Variants in CACNA1C observed in about 807,000 individuals in gnomAD.
CACNA1C encodes voltage-dependent L-type calcium channel subunit alpha-1C.
Under a neutral mutation model 229.0 loss-of-function variants are expected in CACNA1C, and 30 were observed. The ratio of observed to expected loss-of-function variants is 0.13; its 90% CI spans 0.10 to 0.18. CACNA1C has a LOEUF of 0.18. Among genes scored for constraint, CACNA1C ranks in the 10% least tolerant of loss-of-function variants. The probability of loss-of-function intolerance (pLI) is 1.00; values close to 1 mark genes in which losing one functional copy is unlikely to be tolerated. For missense variants in CACNA1C, 1,658 were observed against 2,845.0 expected (o/e 0.58, Z 9.49); for synonymous variants, 1,114 against 1,132.5 (o/e 0.98, Z 0.33).
In CACNA1C at chr12:2,484,590, T is replaced by C. The variant is rs2099690126; in HGVS notation, c.758-1514T>C. ...TCCCTTTATGTCCCACACCCACCGT[T>C]CTCTTGCCATTGGAGGCGGTGGCAC... is the stretch of plus-strand genomic sequence containing the variant. On this transcript the variant is annotated intron_variant, in intron 5 of 46. Transcript: ENST00000399655. Among the ~76,000 whole-genome samples the C allele has an allele frequency of 2.0e-5, 3 of 152,070 alleles. No homozygotes were observed. The South Asian group carries it at 6.2e-4, about 32-fold the overall frequency.
intron 3 of CACNA1C, among the ~76,000 whole-genome samples, chr12:2,140,076 G>A (rs1256057645): frequency 6.6e-6 from 1 of 151,328 alleles, no homozygotes. Flanking sequence ...ACTAGGCTAG[G>A]AGCTTTGGAG....
chr12:2,059,643 G>C (rs753426100), intron 1 of CACNA1C, among the ~76,000 whole-genome samples: 5 of 152,088 alleles, frequency 3.3e-5, no homozygotes, highest in Non-Finnish European at 7.4e-5. Context: ...TTCGTTAAAG[G>C]GTTTGTCAAA....
intron 3 of CACNA1C, among the ~76,000 whole-genome samples, chr12:2,165,076 A>G: frequency 6.6e-6 from 1 of 152,250 alleles, no homozygotes. Context: ...CTAATTGTGC[A>G]CATGATAGCA....
At chr12:2,073,363 T>C (rs188194826) in intron 1 of CACNA1C, among the ~76,000 whole-genome samples, 1 of 152,350 alleles carries the variant, frequency 6.6e-6, no homozygotes, top group Admixed American at 6.5e-5. Flanking sequence ...ACATTCTCAC[T>C]TCACCCTCAG....
chr12:2,553,566 G>A (rs1441581817), intron 10 of CACNA1C, among the ~76,000 whole-genome samples: 2 of 152,232 alleles, frequency 1.3e-5, no homozygotes, highest in Non-Finnish European at 2.9e-5. Flanking sequence ...GGTGGAGACT[G>A]ATATCATAAA....
At chr12:2,536,218 A>G (rs2099854812) in intron 9 of CACNA1C, among the ~76,000 whole-genome samples, 1 of 152,236 alleles carries the variant, frequency 6.6e-6, no homozygotes, top group Non-Finnish European at 1.5e-5. Context: ...GGGGCCCCAG[A>G]GAAGAGAGAA....
At chr12:2,221,494 G>A in intron 3 of CACNA1C, 1 of 152,222 alleles carries the variant, frequency 6.6e-6, no homozygotes, top group African/African-American at 2.4e-5. Flanking sequence ...GGGCAAGGAG[G>A]CCTCAAAGGA....
At chr12:2,326,077 G>A (rs1341632527) in intron 3 of CACNA1C, among the ~76,000 whole-genome samples, 1 of 152,186 alleles carries the variant, frequency 6.6e-6, no homozygotes, top group Non-Finnish European at 1.5e-5. Context: ...CCACATTTCA[G>A]GGGGAGCGTT....
intron 1 of CACNA1C, among the ~76,000 whole-genome samples, chr12:2,106,851 C>T (rs368323534): frequency 0.01 from 487 of 47,158 alleles, 15 homozygotes; most frequent in African/African-American, 0.028. Context: ...AGCCACTGGG[C>T]GCCCACCCTG....
chr12:2,497,846 A>T (rs928428110), intron 7 of CACNA1C, among the ~76,000 whole-genome samples: 1 of 152,192 alleles, frequency 6.6e-6, no homozygotes, highest in African/African-American at 2.4e-5. Context: ...GGTTCAGCCA[A>T]CAGGAGACTC....
At chr12:2,148,094 G>C (rs1838651589) in intron 3 of CACNA1C, among the ~76,000 whole-genome samples, 1 of 151,194 alleles carries the variant, frequency 6.6e-6, no homozygotes, top group Non-Finnish European at 1.5e-5. Context: ...GCATTATAAA[G>C]TCATAAGGAA....
intron 9 of CACNA1C, among the ~76,000 whole-genome samples, chr12:2,541,634 G>A (rs979648772): frequency 2.6e-5 from 4 of 152,176 alleles, no homozygotes; most frequent in South Asian, 2.1e-4. Flanking sequence ...TCTTCCTCCC[G>A]GAGGAGGCAT....
At position 2,665,990 on chromosome 12, in the gene CACNA1C, G is replaced by C. The variant is rs980023118; in HGVS notation, c.4526+282G>C. ...GAATCACTCGAGGCCAGGAGTTCAA[G>C]ACCAGCCTGGCCAACACAGTGAACC... On this transcript the variant is annotated intron_variant, in intron 36 of 46. Coordinates refer to ENST00000399655, the MANE Select transcript of CACNA1C (RefSeq NM_000719.7). The surrounding 1 kb of genome is among the most constrained non-coding windows in gnomAD (Gnocchi z 5.9). 6.6e-6 allele frequency among the ~76,000 whole-genome samples: 1 copy of C among 152,150 alleles called. No individual in the cohort carries two copies. Among genetic ancestry groups the C allele is most frequent in the Non-Finnish European group, 1.5e-5 (1 of 68,024 alleles).
At chr12:2,554,415 G>T (rs1364232604) in intron 10 of CACNA1C, among the ~76,000 whole-genome samples, 3 of 152,184 alleles carry the variant, frequency 2.0e-5, no homozygotes, top group Admixed American at 2.0e-4. Context: ...GGTAGGAATT[G>T]TGCCTCATTG....
chr12:2,448,991 C>T lies in CACNA1C; in HGVS notation c.493C>T (p.Leu165Phe). 6.2e-7 allele frequency: 1 copy of T among 1,609,028 alleles called. No individual in the cohort carries two copies. Among genetic ancestry groups the T allele is most frequent in the Non-Finnish European group, 8.5e-7 (1 of 1,176,044 alleles). Reference sequence around the variant, plus strand: ...TGTTTCCTAGGAACGAGTGGAATATCTCTTTCTCATAATTTTTACGGTGGA... The same window carrying T: ...TGTTTCCTAGGAACGAGTGGAATATTTCTTTCTCATAATTTTTACGGTGGA... ...TNSNLERVEY[L>F]FLIIFTVEAF... The change falls in exon 4 of 47, where the codon CTC becomes TTC. Residue 165 changes from leucine (L) to phenylalanine (F), a missense_variant. Physicochemically the swap from Leu to Phe is conservative, Grantham distance 22. This residue lies in a region of CACNA1C where 89 missense variants were observed against 177.8 expected (regional missense o/e 0.50). Transcript: ENST00000399655.
intron 3 of CACNA1C, among the ~76,000 whole-genome samples, chr12:2,158,982 A>G (rs1269495886): frequency 1.3e-5 from 2 of 152,188 alleles, no homozygotes; most frequent in African/African-American, 4.8e-5. Context: ...GAGGTGAAAG[A>G]GGGCTAAACC....
At chr12:2,102,759 G>T (rs958068262) in intron 1 of CACNA1C, among the ~76,000 whole-genome samples, 2 of 152,092 alleles carry the variant, frequency 1.3e-5, no homozygotes, top group African/African-American at 4.8e-5. Flanking sequence ...AAAGGCCCTG[G>T]TGTATGATGT....
intron 1 of CACNA1C, chr12:2,004,619 C>G: frequency 1.3e-6 from 1 of 787,074 alleles, no homozygotes; most frequent in Non-Finnish European, 1.9e-6. Context: ...ATGGCCGCGC[C>G]CCGCCCACTG....
intron 9 of CACNA1C, among the ~76,000 whole-genome samples, chr12:2,522,996 C>T (rs944103255): frequency 6.6e-6 from 1 of 152,166 alleles, no homozygotes; most frequent in African/African-American, 2.4e-5. Context: ...ATGCCCTTCT[C>T]TTCCAACCAG....
Sources: gnomAD v4.1 joint callset for allele counts (sites outside exome capture counted in the v4.1 genomes callset) on GRCh38, gnomAD v4.1.1 for gene constraint, gnomAD v4.1.1 regional missense constraint, Gnocchi (gnomAD v3.1) non-coding constraint, MANE v1.5 for transcripts, NCBI Gene and HGNC (gene_info 2026-07-23, HGNC 2026-07-21) for gene names.